Variants in SPTLC3 observed in about 807,000 individuals in gnomAD.
The protein encoded by SPTLC3 is serine palmitoyltransferase long chain base subunit 3.
A neutral mutation model predicts 59.3 loss-of-function variants in SPTLC3; 36 were observed. That is an observed-to-expected ratio of 0.61 (90% CI 0.47 to 0.80). The LOEUF is 0.80. Among genes scored for constraint, SPTLC3 ranks in the 30% least tolerant of loss-of-function variants. SPTLC3 has a pLI of 0.00. For synonymous variants in SPTLC3, 257 were observed against 240.8 expected, an observed-to-expected ratio of 1.07 and a Z score of -0.62; for missense variants, 625 against 685.1, an observed-to-expected ratio of 0.91 and a Z score of 0.98.
intron 4 of SPTLC3, among the ~76,000 whole-genome samples, chr20:13,082,455 T>A (rs1207507547): frequency 6.9e-6 from 1 of 144,466 alleles, no homozygotes; most frequent in Non-Finnish European, 1.5e-5. Flanking sequence ...ATAATTGGAA[T>A]AATAAAAATA....
rs781347685 is a variant in SPTLC3 at position 13,117,522 on chromosome 20, G to A, written c.949G>A (p.Val317Met). The A allele has an allele frequency of 1.0e-5, 16 of 1,597,110 alleles. No individual in the cohort carries two copies. The highest frequency in any genetic ancestry group is 2.2e-5 in the East Asian group (1 of 44,660). The change falls in exon 8 of 12, where the codon GTG (valine) becomes ATG (methionine). Residue 317 changes from valine to methionine, a missense_variant. Coordinates refer to ENST00000399002, the MANE Select transcript of SPTLC3 (RefSeq NM_018327.4). ...EGVYSMEGSIVHLPQIIALKK... is the reference protein window; with the variant it reads ...EGVYSMEGSIMHLPQIIALKK... ...CTGCCCTAGCATGGAAGGTTCCATC[G>A]TGCATCTGCCCCAGATCATAGCTCT...
intron 6 of SPTLC3, among the ~76,000 whole-genome samples, chr20:13,103,121 TA>T (rs1232269736): frequency 3.3e-5 from 5 of 152,226 alleles, no homozygotes; most frequent in Admixed American, 1.3e-4. Context: ...ATCTGCTTTA[TA>T]AAACTTAAAG....
At chr20:13,021,180 G>T (rs1285996704) in intron 1 of SPTLC3, among the ~76,000 whole-genome samples, 2 of 152,056 alleles carry the variant, frequency 1.3e-5, no homozygotes, top group Non-Finnish European at 2.9e-5. Flanking sequence ...TTACACTCTT[G>T]ATTTTCCTCT....
intron 1 of SPTLC3, among the ~76,000 whole-genome samples, chr20:13,025,453 A>T (rs971613276): frequency 6.6e-6 from 1 of 152,160 alleles, no homozygotes; most frequent in Non-Finnish European, 1.5e-5. Flanking sequence ...GACCTTGCAT[A>T]AGCAGTTTAA....
chr20:13,158,235 T>C (rs2038818077), intron 10 of SPTLC3, among the ~76,000 whole-genome samples: 1 of 152,232 alleles, frequency 6.6e-6, no homozygotes, highest in African/African-American at 2.4e-5. Context: ...TCTTTTAGCC[T>C]ATTGCCAATT....
intron 1 of SPTLC3, among the ~76,000 whole-genome samples, chr20:13,034,391 C>A (rs1027430579): frequency 1.5e-4 from 23 of 152,266 alleles, no homozygotes; most frequent in African/African-American, 5.3e-4. Context: ...TACATCCTAG[C>A]TTTTGACATG....
intron 1 of SPTLC3, among the ~76,000 whole-genome samples, chr20:13,033,475 A>G (rs1459551316): frequency 1.3e-5 from 2 of 152,124 alleles, no homozygotes; most frequent in African/African-American, 2.4e-5. Context: ...AACAGTGAAG[A>G]GAGGCTTTTA....
intron 1 of SPTLC3, among the ~76,000 whole-genome samples, chr20:13,033,760 G>T (rs1276436186): frequency 2.0e-5 from 3 of 152,112 alleles, no homozygotes; most frequent in Non-Finnish European, 4.4e-5. Context: ...TATTTATTAA[G>T]TGACTTGCCT....
At chr20:13,128,357 A>G (rs1456598989) in intron 9 of SPTLC3, among the ~76,000 whole-genome samples, 4 of 151,252 alleles carry the variant, frequency 2.6e-5, no homozygotes, top group Non-Finnish European at 5.9e-5. Context: ...TGTAGATCTC[A>G]GTGGCTTAAC....
intron 4 of SPTLC3, among the ~76,000 whole-genome samples, chr20:13,083,228 C>A (rs866540081): frequency 6.6e-6 from 1 of 152,258 alleles, no homozygotes; most frequent in Middle Eastern, 3.4e-3. Flanking sequence ...TATTTTTCAT[C>A]TACCTATTTT....
At chr20:13,009,456 A>G in intron 1 of SPTLC3, 72 bp downstream of exon 1, 2 of 1,363,688 alleles carry the variant, frequency 1.5e-6, no homozygotes, top group Non-Finnish European at 2.1e-6. Context: ...AAGATATTTG[A>G]GGCTGTCCTA....
chr20:13,086,741 A>G (rs982612860), intron 4 of SPTLC3, among the ~76,000 whole-genome samples: 1 of 151,856 alleles, frequency 6.6e-6, no homozygotes, highest in Non-Finnish European at 1.5e-5. Context: ...GGACACCTAC[A>G]TTTCCTTTTT....
chr20:13,161,847 G>A (rs780497149), intron 11 of SPTLC3, among the ~76,000 whole-genome samples: 15 of 152,064 alleles, frequency 9.9e-5, no homozygotes, highest in Non-Finnish European at 1.6e-4. Flanking sequence ...CACACACACA[G>A]AGTTGCCATG....
chr20:13,156,111 G>A (rs2038763145), intron 10 of SPTLC3, among the ~76,000 whole-genome samples: 1 of 152,062 alleles, frequency 6.6e-6, no homozygotes, highest in African/African-American at 2.4e-5. Flanking sequence ...AAATGATTGG[G>A]GAAATGATGT....
At chr20:13,063,637 TTTTATTTA>T (rs58141093) in intron 2 of SPTLC3, among the ~76,000 whole-genome samples, 1,845 of 145,698 alleles carry the variant, frequency 0.013, 10 homozygotes, top group African/African-American at 0.018. Context: ...TTTTTTTAAA[TTTTATTTA>T]TTTATTTATT....
intron 1 of SPTLC3, among the ~76,000 whole-genome samples, chr20:13,026,260 C>T (rs990019283): frequency 6.6e-6 from 1 of 152,166 alleles, no homozygotes; most frequent in Non-Finnish European, 1.5e-5. Flanking sequence ...GGGATTGCTG[C>T]GTTGAGTGGT....
At chr20:13,045,141 G>A (rs904895902) in intron 1 of SPTLC3, among the ~76,000 whole-genome samples, 1 of 152,068 alleles carries the variant, frequency 6.6e-6, no homozygotes, top group Non-Finnish European at 1.5e-5. Flanking sequence ...CTATTGAACA[G>A]AAGAGTAATT....
intron 2 of SPTLC3, among the ~76,000 whole-genome samples, chr20:13,051,754 G>A (rs1040823414): frequency 6.6e-6 from 1 of 152,020 alleles, no homozygotes; most frequent in African/African-American, 2.4e-5. Context: ...AGGCCACAGT[G>A]GAATAAAACT....
At chr20:13,154,266 CT>C in intron 10 of SPTLC3, 128 bp downstream of exon 10, 5 of 1,213,122 alleles carry the variant, frequency 4.1e-6, no homozygotes, top group South Asian at 1.5e-5. Context: ...CGTACGGCTT[CT>C]CGGAAGCCAC....
Sources: gnomAD v4.1 joint callset for allele counts (sites outside exome capture counted in the v4.1 genomes callset) on GRCh38, gnomAD v4.1.1 for gene constraint, MANE v1.5 for transcripts, NCBI Gene and HGNC (gene_info 2026-07-23, HGNC 2026-07-21) for gene names.